The following PDE1A variants were observed in gnomAD, a reference collection of about 807,000 sequenced individuals.
PDE1A encodes dual specificity calcium/calmodulin-dependent 3',5'-cyclic nucleotide phosphodiesterase 1A.
Under a neutral mutation model 61.7 loss-of-function variants are expected in PDE1A, and 35 were observed. The observed-to-expected ratio is 0.57, with a 90% confidence interval of 0.43 to 0.75. The LOEUF (loss-of-function observed/expected upper bound fraction) is 0.75, where lower values mean the gene tolerates loss of function less well. PDE1A is among the 30% of genes least tolerant of loss of function. The pLI is 0.00. For synonymous variants in PDE1A, 232 were observed against 213.2 expected, an observed-to-expected ratio of 1.09 and a Z score of -0.77; for missense variants, 597 against 630.6, an observed-to-expected ratio of 0.95 and a Z score of 0.57.
At chr2:182,642,066 A>G in the PDE1A span, among the ~76,000 whole-genome samples, 2 of 152,366 alleles carry the variant, frequency 1.3e-5, no homozygotes, top group South Asian at 4.1e-4. Flanking sequence ...TTCATAGGAC[A>G]AACTTAACTA....
At chr2:182,408,815 A>G (rs1280184718) in intron 1 of PDE1A, among the ~76,000 whole-genome samples, 1 of 152,184 alleles carries the variant, frequency 6.6e-6, no homozygotes, top group Non-Finnish European at 1.5e-5. Context: ...GCCTTTGCTC[A>G]CTCTCACAGA....
downstream of PDE1A, among the ~76,000 whole-genome samples, chr2:182,144,059 G>C (rs1355382108): frequency 2.0e-5 from 3 of 152,150 alleles, no homozygotes; most frequent in African/African-American, 7.2e-5. Context: ...AAGAACATAA[G>C]CCCTGCCTAA....
intron 1 of PDE1A, among the ~76,000 whole-genome samples, chr2:182,336,411 A>T (rs985656352): frequency 8.5e-5 from 13 of 152,234 alleles, no homozygotes; most frequent in Admixed American, 3.3e-4. Context: ...AATGTGGCAC[A>T]TATGCAACAT....
At chr2:182,247,412 T>C (rs1437351359) in intron 2 of PDE1A, among the ~76,000 whole-genome samples, 1 of 152,208 alleles carries the variant, frequency 6.6e-6, no homozygotes, top group African/African-American at 2.4e-5. Flanking sequence ...AGATGGTTAT[T>C]CCAGTTTGGA....
chr2:182,701,455 A>T, the PDE1A span, among the ~76,000 whole-genome samples: 2 of 126,120 alleles, frequency 1.6e-5, no homozygotes, highest in Non-Finnish European at 3.7e-5. Context: ...ATCTCAGCTC[A>T]ATGCAACTTG....
At chr2:182,461,425 C>A (rs1686280466) in intron 2 of PDE1A, among the ~76,000 whole-genome samples, 1 of 152,138 alleles carries the variant, frequency 6.6e-6, no homozygotes, top group African/African-American at 2.4e-5. Context: ...AATACTGAAT[C>A]TGCCCTGCTA....
chr2:182,265,244 C>A (rs1400570784), intron 1 of PDE1A, among the ~76,000 whole-genome samples: 2 of 150,566 alleles, frequency 1.3e-5, no homozygotes, highest in African/African-American at 2.4e-5. Flanking sequence ...CTGTACCCCC[C>A]AAAAAAACTA....
intron 1 of PDE1A, among the ~76,000 whole-genome samples, chr2:182,392,690 T>TG (rs1352289663): frequency 1.2e-4 from 19 of 152,368 alleles, no homozygotes; most frequent in African/African-American, 4.6e-4. Context: ...GCACAGGCAT[T>TG]GGGTAAATAC....
At chr2:182,400,407 A>G (rs1701937368) in intron 1 of PDE1A, among the ~76,000 whole-genome samples, 1 of 152,204 alleles carries the variant, frequency 6.6e-6, no homozygotes, top group Non-Finnish European at 1.5e-5. Flanking sequence ...ATTTCAAGAC[A>G]AATCCTTTAT....
At chr2:182,210,860 T>C (rs1439581516) in intron 7 of PDE1A, among the ~76,000 whole-genome samples, 1 of 151,942 alleles carries the variant, frequency 6.6e-6, no homozygotes, top group Non-Finnish European at 1.5e-5. Context: ...TAGTGTGTTT[T>C]ATGCTGATGT....
chr2:182,458,189 A>G (rs1686046619), intron 2 of PDE1A, among the ~76,000 whole-genome samples: 1 of 152,106 alleles, frequency 6.6e-6, no homozygotes, highest in Non-Finnish European at 1.5e-5. Flanking sequence ...CAAACAAACT[A>G]AGATCATCAA....
chr2:182,188,497 G>C (rs1039053711), intron 11 of PDE1A, among the ~76,000 whole-genome samples: 31 of 152,148 alleles, frequency 2.0e-4, no homozygotes, highest in African/African-American at 7.0e-4. Context: ...AATGTGGTTG[G>C]GAGCATTATC....
At chr2:182,202,637 C>T (rs1013827829) in intron 8 of PDE1A, among the ~76,000 whole-genome samples, 3 of 152,110 alleles carry the variant, frequency 2.0e-5, no homozygotes, top group Non-Finnish European at 4.4e-5. Flanking sequence ...ATCATAAGAA[C>T]CCCAGAGAAA....
intron 1 of PDE1A, among the ~76,000 whole-genome samples, chr2:182,343,517 C>T (rs1349857307): frequency 2.0e-5 from 3 of 152,096 alleles, no homozygotes; most frequent in Non-Finnish European, 4.4e-5. Flanking sequence ...AAGAAAACAA[C>T]TAGAAAATTT....
rs538883125 is a variant in PDE1A at position 182,521,855 on chromosome 2, T to C, written c.101+421A>G. Among the ~76,000 whole-genome samples the C allele has an allele frequency of 1.3e-3, 200 of 152,270 alleles. 1 individual carries two copies. The highest frequency in any genetic ancestry group is 4.5e-3 in the African/African-American group (185 of 41,564). On this transcript the variant is annotated intron_variant, in intron 2 of 14. Transcript: ENST00000410103. The stretch of plus-strand genomic sequence containing the variant: ...AATAAAGTATAATTATTTATTATCA[T>C]ATTAATCATCTCATTGCTTTTCCAA...
At chr2:182,255,058 T>C (rs530001986) in intron 2 of PDE1A, among the ~76,000 whole-genome samples, 2 of 152,296 alleles carry the variant, frequency 1.3e-5, no homozygotes, top group East Asian at 3.9e-4. Flanking sequence ...TTGGATTTGA[T>C]GGTGTGAGGA....
chr2:182,380,384 T>A (rs1327212228), intron 1 of PDE1A, among the ~76,000 whole-genome samples: 1 of 152,098 alleles, frequency 6.6e-6, no homozygotes, highest in Non-Finnish European at 1.5e-5. Flanking sequence ...AGTGCTGGGA[T>A]TACAGGCGTG....
chr2:182,365,970 G>A (rs987953875), intron 1 of PDE1A, among the ~76,000 whole-genome samples: 1 of 151,758 alleles, frequency 6.6e-6, no homozygotes, highest in Admixed American at 6.6e-5. Flanking sequence ...GTTAAGAGAT[G>A]CTAAAAGGAG....
chr2:182,688,830 G>T, the PDE1A span, among the ~76,000 whole-genome samples: 1 of 152,160 alleles, frequency 6.6e-6, no homozygotes, highest in African/African-American at 2.4e-5. Context: ...AGGGATGGAG[G>T]AAGATCTACC....
Sources: allele counts gnomAD v4.1 joint callset (sites outside exome capture counted in the v4.1 genomes callset), GRCh38; gene constraint gnomAD v4.1.1; transcripts MANE v1.5; gene names NCBI Gene and HGNC (gene_info 2026-07-23, HGNC 2026-07-21).